The following SLC16A12 variants were observed in gnomAD, a reference collection of about 807,000 sequenced individuals.
SLC16A12 encodes solute carrier family 16 member 12, also known as monocarboxylate transporter 12.
In SLC16A12, 17 loss-of-function variants were observed where a neutral mutation model predicts 42.4. The ratio of observed to expected loss-of-function variants is 0.40; its 90% CI spans 0.27 to 0.60. SLC16A12 has a LOEUF of 0.60. SLC16A12 is among the 20% of genes least tolerant of loss of function. SLC16A12 has a pLI of 0.42. For missense variants in SLC16A12, 544 were observed against 623.0 expected, an observed-to-expected ratio of 0.87 and a Z score of 1.35; for synonymous variants, 224 against 229.4, an observed-to-expected ratio of 0.98 and a Z score of 0.21.
intron 2 of SLC16A12, among the ~76,000 whole-genome samples, chr10:89,466,827 G>A (rs567920671): frequency 3.3e-5 from 5 of 152,132 alleles, no homozygotes; most frequent in Admixed American, 6.5e-5. Flanking sequence ...CACCTGCCAG[G>A]CCCCTGGGGC....
At chr10:89,528,550 A>T (rs962670973) in intron 2 of SLC16A12, among the ~76,000 whole-genome samples, 3 of 152,206 alleles carry the variant, frequency 2.0e-5, no homozygotes, top group Non-Finnish European at 4.4e-5. Context: ...ATCACTGAAC[A>T]TTCATTCAAC....
At chr10:89,436,898 A>AAGAAAGAAAG (rs1841804820) in intron 6 of SLC16A12, among the ~76,000 whole-genome samples, 1 of 149,268 alleles carries the variant, frequency 6.7e-6, no homozygotes, top group African/African-American at 2.5e-5. Flanking sequence ...GAAAGAAAGA[A>AAGAAAGAAAG]AGAAAGAAAG....
intron 2 of SLC16A12, among the ~76,000 whole-genome samples, chr10:89,523,307 C>G (rs1008720246): frequency 6.6e-6 from 1 of 152,196 alleles, no homozygotes; most frequent in Non-Finnish European, 1.5e-5. Context: ...CCTCTAAGGT[C>G]CTGTCTATAC....
chr10:89,483,604 G>C (rs747259958), intron 2 of SLC16A12, among the ~76,000 whole-genome samples: 2 of 152,098 alleles, frequency 1.3e-5, no homozygotes, highest in Non-Finnish European at 2.9e-5. Context: ...GCACATGCCT[G>C]TAGTTCCACC....
chr10:89,491,964 T>C (rs1055175162), intron 2 of SLC16A12, among the ~76,000 whole-genome samples: 2 of 152,162 alleles, frequency 1.3e-5, no homozygotes, highest in East Asian at 3.8e-4. Flanking sequence ...TAAAAAAAAG[T>C]ATGCAAGTCA....
At chr10:89,449,827 C>T (rs548679589) in intron 3 of SLC16A12, among the ~76,000 whole-genome samples, 107 of 152,292 alleles carry the variant, frequency 7.0e-4, no homozygotes, top group African/African-American at 2.6e-3. Flanking sequence ...AGGCAACCTG[C>T]AGAATGTGAG....
chr10:89,487,413 C>T (rs757302113), intron 2 of SLC16A12, among the ~76,000 whole-genome samples: 7 of 151,964 alleles, frequency 4.6e-5, no homozygotes, highest in Non-Finnish European at 8.8e-5. Context: ...TTAATAAAAC[C>T]TCTATGGAAA....
chr10:89,433,096 C>T lies in SLC16A12; in HGVS notation c.1519G>A (p.Ala507Thr), dbSNP rs764580534. The T allele has an allele frequency of 3.1e-6, 5 of 1,614,066 alleles. No individual in the cohort carries two copies. The Admixed American group carries it at 5.0e-5, about 16-fold the overall frequency. ...AGGCTGTAGCCAGGCACTGCTGTAG[C>T]CACAGGCTCCCCATGTTTCTGATCT... ...ELDQKHGEPV[A>T]TAVPGYSLT Residue 507 changes from alanine to threonine, a missense_variant, in exon 8 of 8, where the codon GCT becomes ACT. Physicochemically the swap from Ala to Thr is moderately conservative, Grantham distance 58. Transcript: ENST00000371790.
chr10:89,446,991 A>G (rs1274648592), intron 3 of SLC16A12, among the ~76,000 whole-genome samples: 1 of 152,200 alleles, frequency 6.6e-6, no homozygotes, highest in Admixed American at 6.5e-5. Flanking sequence ...TTAAACCAAC[A>G]AAGATCAAAA....
intron 2 of SLC16A12, among the ~76,000 whole-genome samples, chr10:89,495,624 T>C (rs575249669): frequency 2.9e-4 from 44 of 152,218 alleles, no homozygotes; most frequent in Non-Finnish European, 5.1e-4. Flanking sequence ...TAGCCTACTT[T>C]AAATGTGCTC....
At chr10:89,533,616 T>C (rs1224541806) in intron 2 of SLC16A12, among the ~76,000 whole-genome samples, 2 of 152,092 alleles carry the variant, frequency 1.3e-5, no homozygotes, top group African/African-American at 4.8e-5. Context: ...GTGCTGAGAA[T>C]CAGAAAAGAC....
chr10:89,504,256 G>T (rs1305449515), intron 2 of SLC16A12, among the ~76,000 whole-genome samples: 1 of 152,108 alleles, frequency 6.6e-6, no homozygotes, highest in African/African-American at 2.4e-5. Flanking sequence ...CTCCCCAAAA[G>T]GTCACTGATC....
At chr10:89,518,531 A>G (rs1307682153) in intron 2 of SLC16A12, among the ~76,000 whole-genome samples, 1 of 152,224 alleles carries the variant, frequency 6.6e-6, no homozygotes, top group East Asian at 1.9e-4. Flanking sequence ...TGGAGGGAGC[A>G]GTATCTCCTT....
intron 3 of SLC16A12, among the ~76,000 whole-genome samples, chr10:89,457,513 C>T (rs957100318): frequency 6.6e-6 from 1 of 152,174 alleles, no homozygotes; most frequent in Admixed American, 6.5e-5. Flanking sequence ...GATAGCAACA[C>T]TTTTACACTA....
chr10:89,447,172 C>G (rs1842017808), intron 3 of SLC16A12, among the ~76,000 whole-genome samples: 1 of 151,952 alleles, frequency 6.6e-6, no homozygotes, highest in African/African-American at 2.4e-5. Context: ...AGACTAACGC[C>G]CCACTGTCAA....
intron 2 of SLC16A12, among the ~76,000 whole-genome samples, chr10:89,503,684 G>A (rs1049589355): frequency 6.6e-6 from 1 of 152,158 alleles, no homozygotes; most frequent in African/African-American, 2.4e-5. Context: ...TTTCAGAGTC[G>A]CTGGAGAAGG....
chr10:89,474,405 A>G (rs1842545139), intron 2 of SLC16A12, among the ~76,000 whole-genome samples: 1 of 152,198 alleles, frequency 6.6e-6, no homozygotes, highest in Non-Finnish European at 1.5e-5. Flanking sequence ...TAATAAATGA[A>G]TGAAATAAGT....
At chr10:89,536,640 G>A (rs1037135102), upstream of SLC16A12, among the ~76,000 whole-genome samples, 2 of 151,976 alleles carry the variant, frequency 1.3e-5, no homozygotes, top group Admixed American at 6.6e-5. Context: ...GACAAGGTCT[G>A]GTTCCAATAT....
chr10:89,514,109 T>A (rs1843207413), intron 2 of SLC16A12, among the ~76,000 whole-genome samples: 1 of 152,164 alleles, frequency 6.6e-6, no homozygotes, highest in Admixed American at 6.6e-5. Context: ...ATTTGGCAGA[T>A]TTGGGTGGAA....
Sources: gnomAD v4.1 joint callset for allele counts (sites outside exome capture counted in the v4.1 genomes callset) on GRCh38, gnomAD v4.1.1 for gene constraint, MANE v1.5 for transcripts, NCBI Gene and HGNC (gene_info 2026-07-23, HGNC 2026-07-21) for gene names.